Variants in PPM1D observed in about 807,000 individuals in gnomAD.
PPM1D encodes the protein protein phosphatase 1D.
Under a neutral mutation model 58.3 loss-of-function variants are expected in PPM1D, and 52 were observed. The ratio of observed to expected loss-of-function variants is 0.89; its 90% confidence interval spans 0.71 to 1.12. The LOEUF (loss-of-function observed/expected upper bound fraction) is 1.12, where lower values mean the gene tolerates loss of function less well. Among genes scored for constraint, PPM1D ranks in the 50% most tolerant of loss-of-function variants. The pLI, the probability that PPM1D is intolerant of heterozygous loss-of-function variation, is 0.00. For synonymous variants in PPM1D, 278 were observed against 285.1 expected (o/e 0.98, Z 0.25); for missense variants, 564 against 777.2 (o/e 0.73, Z 3.26).
chr17:60,604,328 C>A (rs1187997951), intron 1 of PPM1D, among the ~76,000 whole-genome samples: 3 of 152,184 alleles, frequency 2.0e-5, no homozygotes, highest in Non-Finnish European at 4.4e-5. Flanking sequence ...AGAACAAATA[C>A]TGTCAGTTTT....
chr17:60,656,944 G>T, intron 5 of PPM1D, 103 bp downstream of exon 5: 1 of 1,597,006 alleles, frequency 6.3e-7, no homozygotes, highest in South Asian at 1.1e-5. Context: ...TTTTGGATTT[G>T]AACTCGATTC....
intron 1 of PPM1D, among the ~76,000 whole-genome samples, chr17:60,602,638 ATGGTT>A (rs1184310877): frequency 2.0e-5 from 3 of 152,126 alleles, no homozygotes; most frequent in Non-Finnish European, 4.4e-5. Flanking sequence ...GTAAATATGT[ATGGTT>A]TAGTTTTACA....
intron 1 of PPM1D, among the ~76,000 whole-genome samples, chr17:60,601,163 C>G (rs889635461): frequency 7.2e-5 from 11 of 152,346 alleles, no homozygotes; most frequent in African/African-American, 2.4e-4. Flanking sequence ...CCCTGCTTCA[C>G]TTTGGTGGCA....
intron 5 of PPM1D, 21 bp from the exon 6 acceptor site, chr17:60,662,973 GT>G: frequency 6.4e-7 from 1 of 1,571,496 alleles, no homozygotes; most frequent in Non-Finnish European, 8.6e-7. Flanking sequence ...TTTCTTATTT[GT>G]TTTACCTTCT....
chr17:60,634,093 C>G, intron 3 of PPM1D, 116 bp downstream of exon 3: 1 of 1,221,308 alleles, frequency 8.2e-7, no homozygotes, highest in Non-Finnish European at 1.1e-6. Flanking sequence ...GTAGAGATAT[C>G]ATGATATTCT....
chr17:60,650,858 G>A (rs1219480589), intron 4 of PPM1D, among the ~76,000 whole-genome samples: 5 of 151,866 alleles, frequency 3.3e-5, no homozygotes, highest in African/African-American at 1.2e-4. Flanking sequence ...GGCTGTGGGA[G>A]GATTGCTTAA....
chr17:60,638,730 A>G (rs1051119052), intron 3 of PPM1D, among the ~76,000 whole-genome samples: 1 of 152,140 alleles, frequency 6.6e-6, no homozygotes, highest in East Asian at 1.9e-4. Context: ...AGCTTGTTGC[A>G]TGGAAATACT....
intron 1 of PPM1D, among the ~76,000 whole-genome samples, chr17:60,620,286 C>T (rs532297650): frequency 5.3e-4 from 81 of 151,602 alleles, no homozygotes; most frequent in African/African-American, 1.6e-3. Flanking sequence ...CATGAGCCAC[C>T]GCGCCCGGCC....
intron 1 of PPM1D, among the ~76,000 whole-genome samples, chr17:60,610,037 G>A (rs985467996): frequency 1.3e-5 from 2 of 151,932 alleles, no homozygotes; most frequent in African/African-American, 4.8e-5. Flanking sequence ...AAAACTAGCC[G>A]GGCATGGTGG....
chr17:60,628,848 A>G (rs1598405249), intron 2 of PPM1D, among the ~76,000 whole-genome samples: 1 of 151,932 alleles, frequency 6.6e-6, no homozygotes, highest in Non-Finnish European at 1.5e-5. Context: ...CCCCTAAACC[A>G]CATTTTGAGA....
At chr17:60,614,465 C>T (rs1215624702) in intron 1 of PPM1D, among the ~76,000 whole-genome samples, 3 of 152,172 alleles carry the variant, frequency 2.0e-5, no homozygotes, top group African/African-American at 4.8e-5. Context: ...ACGGACCAAT[C>T]AGTTCTCTGT....
chr17:60,639,331 C>G lies in PPM1D; in HGVS notation c.826+5354C>G, dbSNP rs527860270. ...TTTGCCATGTTAGCCAACTTGGTCTCTAACTCCTAACCTCAGGTGATCTAC... is the reference window on the plus strand; with the variant it reads ...TTTGCCATGTTAGCCAACTTGGTCTGTAACTCCTAACCTCAGGTGATCTAC... On this transcript the variant is annotated intron_variant, in intron 3 of 5. Coordinates refer to ENST00000305921, the MANE Select transcript of PPM1D (RefSeq NM_003620.4). Among the ~76,000 whole-genome samples the G allele has an allele frequency of 3.3e-5, 5 of 152,190 alleles. No homozygotes were observed. The South Asian group carries it at 8.3e-4, about 25-fold the overall frequency.
intron 2 of PPM1D, 44 bp from the exon 3 acceptor site, chr17:60,633,809 T>C: frequency 2.6e-6 from 4 of 1,513,160 alleles, no homozygotes; most frequent in South Asian, 1.2e-5. Flanking sequence ...TTAGTTGTTG[T>C]ATTTTAATCA....
chr17:60,617,145 G>C (rs1044536849), intron 1 of PPM1D, among the ~76,000 whole-genome samples: 1 of 94,582 alleles, frequency 1.1e-5, no homozygotes. Flanking sequence ...TTTTTTTTTT[G>C]TAGAGACAGA....
intron 3 of PPM1D, among the ~76,000 whole-genome samples, chr17:60,636,669 T>A (rs929044703): frequency 6.6e-6 from 1 of 151,800 alleles, no homozygotes; most frequent in African/African-American, 2.4e-5. Context: ...AAGTAACAAA[T>A]GTAAGGGTTC....
chr17:60,663,684 C>A lies in PPM1D; in HGVS notation c.*132C>A. Reference sequence around the variant, plus strand: ...TACAGTTTGACTTTTTGGAATTCAGCAGTTTTATCCTGGCCTTGTACTTGC... The same window carrying A: ...TACAGTTTGACTTTTTGGAATTCAGAAGTTTTATCCTGGCCTTGTACTTGC... On this transcript the variant is annotated 3_prime_UTR_variant, in exon 6 of 6. Transcript: ENST00000305921. 2 of 932,704 alleles carry A rather than the reference C, an allele frequency of 2.1e-6. No individual in the cohort carries two copies. The highest frequency in any genetic ancestry group is 1.6e-6 in the Non-Finnish European group (1 of 641,892). 57.8% of individuals were successfully genotyped at this position (932,704 alleles called of 1,614,324 possible). A position where few individuals can be genotyped will look rare whatever the true frequency, so the allele number is the denominator to read the frequency against.
In PPM1D at chr17:60,600,275, C is replaced by T. The variant is rs564887133; in HGVS notation, c.-140C>T. On this transcript the variant is annotated 5_prime_UTR_variant, in exon 1 of 6. Coordinates refer to ENST00000305921, the MANE Select transcript of PPM1D (RefSeq NM_003620.4). ...CGGACAAGTCCAGACATCGCGCGCC[C>T]CCCCTTCTCCGGGTCCGCCCCCTCC... 17 of 1,422,154 alleles carry T rather than the reference C, an allele frequency of 1.2e-5. No homozygotes were observed. The highest frequency in any genetic ancestry group is 2.8e-5 in the Admixed American group (1 of 36,240). 88.1% of individuals were successfully genotyped at this position (1,422,154 alleles called of 1,614,324 possible).
In PPM1D at chr17:60,666,034, A is replaced by G. The variant is rs995204883; in HGVS notation, c.*2482A>G. On this transcript the variant is annotated 3_prime_UTR_variant, in exon 6 of 6. Transcript: ENST00000305921. Reference sequence around the variant, plus strand: ...TGGGAGACTCCTACACAAGGCATGAATTCTAGGAGGTGGGCATTTTTAAGT... The same window carrying G: ...TGGGAGACTCCTACACAAGGCATGAGTTCTAGGAGGTGGGCATTTTTAAGT... 6.6e-6 allele frequency: 1 copy of G among 152,192 alleles called. No homozygotes were observed. The highest frequency in any genetic ancestry group is 2.4e-5 in the African/African-American group (1 of 41,450). The allele number at this position is 152,192 out of a possible 1,614,324, so 9.4% of individuals were successfully genotyped here.
chr17:60,601,035 G>C, intron 1 of PPM1D, 149 bp downstream of exon 1: 1 of 1,224,424 alleles, frequency 8.2e-7, no homozygotes, highest in Non-Finnish European at 1.1e-6. Flanking sequence ...GCGCTTTGCT[G>C]GGTGGAGGTC....
Sources: gnomAD v4.1 joint callset for allele counts (sites outside exome capture counted in the v4.1 genomes callset) on GRCh38, gnomAD v4.1.1 for gene constraint, MANE v1.5 for transcripts, NCBI Gene and HGNC (gene_info 2026-07-23, HGNC 2026-07-21) for gene names.